Variants in PHF14 observed in about 807,000 individuals in gnomAD.
PHF14 encodes PHD finger protein 14.
PHF14 carries 55 observed loss-of-function variants against 117.9 expected under a neutral mutation model. The ratio of observed to expected loss-of-function variants is 0.47; its 90% confidence interval spans 0.38 to 0.58. PHF14 has a LOEUF of 0.58. PHF14 is among the 20% of genes least tolerant of loss of function. PHF14 has a pLI of 0.00. For missense variants in PHF14, 978 were observed against 1,122.2 expected (o/e 0.87, Z 1.84); for synonymous variants, 409 against 368.6 (o/e 1.11, Z -1.26).
intron 16 of PHF14, among the ~76,000 whole-genome samples, chr7:11,089,594 A>G (rs1470524877): frequency 3.3e-5 from 5 of 152,188 alleles, no homozygotes; most frequent in African/African-American, 1.2e-4. Context: ...ATATTTTTTA[A>G]TGAGATACTT....
chr7:11,108,803 ATTAT>A (rs1787351239), intron 16 of PHF14: 2 of 151,912 alleles, frequency 1.3e-5, no homozygotes, highest in African/African-American at 4.8e-5. Flanking sequence ...ATCAACAAGA[ATTAT>A]TTATGTACAT....
chr7:11,037,225 A>G (rs1247633031), intron 10 of PHF14, 134 bp downstream of exon 10: 4 of 648,556 alleles, frequency 6.2e-6, no homozygotes, highest in Middle Eastern at 4.7e-4. Context: ...TATAACTCCT[A>G]CTCCTCATTA....
Position 11,036,579 on chromosome 7 carries a change from C to G in PHF14, c.1764C>G (p.Ile588Met). The G allele has an allele frequency of 6.2e-7, 1 of 1,613,846 alleles. No homozygotes were observed. Among genetic ancestry groups the G allele is most frequent in the Non-Finnish European group, 8.5e-7 (1 of 1,179,808 alleles). ...TGCGGAAAGCAGAACTCATGGGGATCAGTACAGATATCTTTCCAGTGGACA... is the reference window on the plus strand; with the variant it reads ...TGCGGAAAGCAGAACTCATGGGGATGAGTACAGATATCTTTCCAGTGGACA... ...KLMRKAELMGISTDIFPVDNS... is the reference protein window; with the variant it reads ...KLMRKAELMGMSTDIFPVDNS... Residue 588 changes from isoleucine (I) to methionine (M), a missense_variant, in exon 9 of 18, where the codon ATC becomes ATG. Ile to Met is a conservative substitution (Grantham distance 10). This residue lies in a region of PHF14 where 237 missense variants were observed against 276.4 expected (regional missense o/e 0.86). Coordinates refer to ENST00000634607, the MANE Select transcript of PHF14 (RefSeq NM_001007157.2).
At chr7:11,106,521 G>A (rs1787272257) in intron 16 of PHF14, 1 of 964,994 alleles carries the variant, frequency 1.0e-6, no homozygotes, top group Non-Finnish European at 1.2e-6. Flanking sequence ...ATTCCGTATT[G>A]GTAGAATGCA....
At chr7:11,061,903 T>G in intron 15 of PHF14, 61 bp from the exon 16 acceptor site, 1 of 1,521,494 alleles carries the variant, frequency 6.6e-7, no homozygotes, top group Admixed American at 2.2e-5. Context: ...TGCTTAAAAT[T>G]GTTTCCCTCA....
At chr7:11,083,823 T>G (rs1786267096) in intron 16 of PHF14, among the ~76,000 whole-genome samples, 1 of 152,166 alleles carries the variant, frequency 6.6e-6, no homozygotes, top group Non-Finnish European at 1.5e-5. Context: ...GTAAGATAAT[T>G]GTAAAAATGA....
chr7:11,022,041 G>C (rs952836181), intron 5 of PHF14, among the ~76,000 whole-genome samples: 1 of 152,100 alleles, frequency 6.6e-6, no homozygotes, highest in Admixed American at 6.5e-5. Context: ...TTCAAAGTCA[G>C]TGATGCCACA....
chr7:11,029,645 A>C (rs1384005135), intron 7 of PHF14, among the ~76,000 whole-genome samples: 1 of 152,142 alleles, frequency 6.6e-6, no homozygotes, highest in Admixed American at 6.5e-5. Context: ...TATTGCAAAA[A>C]ATTTTCAGTT....
At position 11,152,598 on chromosome 7, in the gene PHF14, C is replaced by A. The variant is rs1271238772; in HGVS notation, c.2773-16818C>A. On this transcript the variant is annotated intron_variant, in intron 17 of 17. Transcript: ENST00000634607. ...CCAATAACTATTCATAAGAACTATT[C>A]ATTGAAAGGCTACAATATGATAGGA... is the stretch of plus-strand genomic sequence containing the variant. 3.3e-5 allele frequency among the ~76,000 whole-genome samples: 5 copies of A among 152,048 alleles called. No homozygotes were observed. The East Asian group carries it at 9.6e-4, about 29-fold the overall frequency.
chr7:11,155,773 G>T (rs7781934), intron 17 of PHF14, among the ~76,000 whole-genome samples: 126 of 147,462 alleles, frequency 8.5e-4, no homozygotes, highest in Middle Eastern at 3.4e-3. Flanking sequence ...TTTTTTTTTT[G>T]TTTTTTTTTA....
chr7:11,122,043 G>T (rs950798040), intron 17 of PHF14, among the ~76,000 whole-genome samples: 1 of 151,288 alleles, frequency 6.6e-6, no homozygotes, highest in Non-Finnish European at 1.5e-5. Flanking sequence ...TCTGGTGTGT[G>T]TTGCTTCTCT....
At chr7:11,140,070 A>G (rs1374037693) in intron 17 of PHF14, among the ~76,000 whole-genome samples, 1 of 152,074 alleles carries the variant, frequency 6.6e-6, no homozygotes, top group Non-Finnish European at 1.5e-5. Context: ...TATTCTGTAC[A>G]CATCCCTACA....
chr7:11,009,905 G>A (rs1246250617), intron 4 of PHF14, among the ~76,000 whole-genome samples: 1 of 152,178 alleles, frequency 6.6e-6, no homozygotes, highest in African/African-American at 2.4e-5. Flanking sequence ...ACTGTAGGAG[G>A]TTTAAAACTC....
intron 16 of PHF14, chr7:11,103,723 T>A: frequency 1.0e-6 from 1 of 984,720 alleles, no homozygotes; most frequent in Non-Finnish European, 1.2e-6. Flanking sequence ...TTATAGATAA[T>A]CAAAAGCAAT....
chr7:10,993,785 G>C (rs1217170937), intron 4 of PHF14, among the ~76,000 whole-genome samples: 2 of 151,304 alleles, frequency 1.3e-5, no homozygotes, highest in African/African-American at 4.9e-5. Context: ...AAGGCAAGCG[G>C]ATCACCTGAG....
At chr7:11,091,288 A>T (rs1038309111) in intron 16 of PHF14, among the ~76,000 whole-genome samples, 4 of 152,192 alleles carry the variant, frequency 2.6e-5, no homozygotes, top group African/African-American at 9.6e-5. Context: ...TTTAAAGCAA[A>T]CTGGATGACT....
intron 16 of PHF14, among the ~76,000 whole-genome samples, chr7:11,100,515 ATTAAG>A (rs557946974): frequency 1.2e-3 from 177 of 152,092 alleles, no homozygotes; most frequent in African/African-American, 3.6e-3. Context: ...TATTATGTAA[ATTAAG>A]TTATGTATTA....
intron 5 of PHF14, among the ~76,000 whole-genome samples, chr7:11,018,228 C>T (rs1362235746): frequency 6.6e-6 from 1 of 151,956 alleles, no homozygotes; most frequent in African/African-American, 2.4e-5. Flanking sequence ...TTTGGCTCTT[C>T]TGGGTCTTTT....
intron 16 of PHF14, chr7:11,104,951 T>C: frequency 1.1e-6 from 1 of 943,894 alleles, no homozygotes; most frequent in South Asian, 4.9e-5. Context: ...CCTTAAAAGG[T>C]CCCTTAGATT....
Sources: allele counts gnomAD v4.1 joint callset (sites outside exome capture counted in the v4.1 genomes callset), GRCh38; gene constraint gnomAD v4.1.1; regional missense constraint gnomAD v4.1.1; transcripts MANE v1.5; gene names NCBI Gene and HGNC (gene_info 2026-07-23, HGNC 2026-07-21).